PBRM1: variants seen among roughly 807,000 people sequenced by gnomAD.
PBRM1 encodes the protein protein polybromo-1.
In PBRM1, 27 loss-of-function variants were observed where a neutral mutation model predicts 194.5. That is an observed-to-expected ratio of 0.14 (90% CI 0.10 to 0.19). The LOEUF is 0.19. PBRM1 is among the 10% of genes least tolerant of loss of function. The pLI, the probability that PBRM1 is intolerant of heterozygous loss-of-function variation, is 1.00. For synonymous variants in PBRM1, 655 were observed against 693.2 expected (o/e 0.94, Z 0.87); for missense variants, 1,466 against 2,077.2 (o/e 0.71, Z 5.72).
chr3:52,625,558 AAGAAC>A (rs1042050556), intron 13 of PBRM1, among the ~76,000 whole-genome samples: 3 of 151,868 alleles, frequency 2.0e-5, no homozygotes, highest in Non-Finnish European at 4.4e-5. Flanking sequence ...TTTTTAAATT[AAGAAC>A]ATAATGCTTA....
In PBRM1 at chr3:52,571,856, C is replaced by CAAAAAAAAAAAAAAAAAAAAAAAAAAAAA. The variant is rs58430288; in HGVS notation, c.3691+4656_3691+4684dup. Among the ~76,000 whole-genome samples, 3 of 37,090 alleles carry CAAAAAAAAAAAAAAAAAAAAAAAAAAAAA rather than the reference C, an allele frequency of 8.1e-5. 1 individual carries two copies. The highest frequency in any genetic ancestry group is 7.5e-4 in the Admixed American group (2 of 2,684). 24.3% of individuals were successfully genotyped at this position (37,090 alleles called of 152,430 possible). A position where few individuals can be genotyped will look rare whatever the true frequency, so the allele number is the denominator to read the frequency against. ...GAGCAAGAGGGATACCTCATCTCCCCAAAAAAAAAAAAAAAAAAAAAAAAA... is the reference window on the plus strand; with the variant it reads ...GAGCAAGAGGGATACCTCATCTCCCCAAAAAAAAAAAAAAAAAAAAAAAAAAAAAAAAAAAAAAAAAAAAAAAAAAAAAA... On this transcript the variant is annotated intron_variant, in intron 22 of 29. Transcript: ENST00000296302.
intron 7 of PBRM1, among the ~76,000 whole-genome samples, chr3:52,647,453 AAAAAATATATATATATATATAT>A (rs2096343170): frequency 3.1e-5 from 2 of 63,626 alleles, no homozygotes; most frequent in Non-Finnish European, 5.9e-5. Context: ...AAAAAAAAAA[AAAAAATATATATATATATATAT>A]ATATATATAT....
intron 5 of PBRM1, among the ~76,000 whole-genome samples, chr3:52,652,159 G>A (rs946941529): frequency 2.0e-5 from 3 of 152,154 alleles, no homozygotes; most frequent in Non-Finnish European, 2.9e-5. Flanking sequence ...CGAGGCAGGT[G>A]GATCACCTGA....
At chr3:52,607,468 G>C (rs1308699962) in intron 16 of PBRM1, among the ~76,000 whole-genome samples, 1 of 152,094 alleles carries the variant, frequency 6.6e-6, no homozygotes, top group Non-Finnish European at 1.5e-5. Context: ...ATTTCCTAGA[G>C]ATACAAATCT....
chr3:52,622,114 C>G (rs2095301289), intron 13 of PBRM1, among the ~76,000 whole-genome samples: 1 of 151,440 alleles, frequency 6.6e-6, no homozygotes, highest in Non-Finnish European at 1.5e-5. Context: ...CCGAGGCAGG[C>G]AGATCACCTA....
exon 17 of PBRM1, chr3:52,603,538 C>T (rs1428187629): frequency 6.3e-7 from 1 of 1,595,054 alleles, no homozygotes; most frequent in Non-Finnish European, 8.6e-7. Flanking sequence ...TTCTTCTTCT[C>T]GTTTTAGTTT....
At chr3:52,681,718 C>A (rs921361648), upstream of PBRM1, 14 of 1,015,604 alleles carry the variant, frequency 1.4e-5, no homozygotes, top group Non-Finnish European at 1.4e-5. Flanking sequence ...GCACAACCAG[C>A]GCCTCGAAAA....
upstream of PBRM1, among the ~76,000 whole-genome samples, chr3:52,684,609 C>A (rs969178485): frequency 6.6e-6 from 1 of 152,160 alleles, no homozygotes; most frequent in Non-Finnish European, 1.5e-5. Flanking sequence ...AAAATGTTAA[C>A]AAACCACATA....
chr3:52,643,113 C>A (rs1420066079), intron 9 of PBRM1, 135 bp downstream of exon 10: 2 of 686,542 alleles, frequency 2.9e-6, no homozygotes, highest in Non-Finnish European at 5.3e-6. Flanking sequence ...TTAAATAAAC[C>A]ATTTGACAAC....
chr3:52,659,903 C>T (rs1057182041), intron 4 of PBRM1, among the ~76,000 whole-genome samples: 3 of 152,128 alleles, frequency 2.0e-5, no homozygotes, highest in Admixed American at 1.3e-4. Context: ...ACCAGTCTGG[C>T]CAACATGGTG....
intron 7 of PBRM1, among the ~76,000 whole-genome samples, chr3:52,645,268 ACTT>A (rs908461474): frequency 3.4e-5 from 4 of 118,656 alleles, no homozygotes; most frequent in African/African-American, 1.0e-4. Context: ...ACTAGCAGAA[ACTT>A]CTTTTTTTTC....
chr3:52,603,591 C>T (rs2153347487), exon 17 of PBRM1: 1 of 1,611,582 alleles, frequency 6.2e-7, no homozygotes, highest in South Asian at 1.1e-5. Context: ...TTCTCTCTTT[C>T]TCCACATCAT....
intron 26 of PBRM1, 85 bp from the exon 29 acceptor site, chr3:52,554,964 C>T (rs1417576357): frequency 9.4e-7 from 1 of 1,064,320 alleles, no homozygotes; most frequent in Non-Finnish European, 1.4e-6. Context: ...ACATGCACTA[C>T]CAATGAATAA....
chr3:52,624,746 TAC>T, intron 13 of PBRM1, 149 bp downstream of exon 15: 1 of 618,304 alleles, frequency 1.6e-6, no homozygotes, highest in East Asian at 2.8e-5. Flanking sequence ...TTTTAAACTG[TAC>T]TGCTTTCTTT....
chr3:52,603,442 C>CT, intron 17 of PBRM1, 79 bp downstream of exon 19: 1 of 1,454,926 alleles, frequency 6.9e-7, no homozygotes, highest in Non-Finnish European at 9.2e-7. Flanking sequence ...ACAAACAGGA[C>CT]TCTTTTCCAC....
chr3:52,558,280 C>T, exon 26 of PBRM1: 1 of 1,546,248 alleles, frequency 6.5e-7, no homozygotes, highest in South Asian at 1.2e-5. Flanking sequence ...GATTGAGCAT[C>T]CCCATTGGTG....
intron 17 of PBRM1, among the ~76,000 whole-genome samples, chr3:52,601,607 G>T (rs554379189): frequency 6.6e-6 from 1 of 152,022 alleles, no homozygotes; most frequent in African/African-American, 2.4e-5. Context: ...AGGAGGTGGG[G>T]GTGCCTGGCT....
In PBRM1 at chr3:52,609,148, TA is replaced by T. The variant is rs1199882660; in HGVS notation, c.2567+164del. Reference sequence around the variant, plus strand: ...GGTGTGCCTTCTCTCCCCCACAGAATATACTCACTCTTAAGAAGTTCTGGCT... The same window carrying T: ...GGTGTGCCTTCTCTCCCCCACAGAATTACTCACTCTTAAGAAGTTCTGGCT... On this transcript the variant is annotated intron_variant, in intron 16 of 29. Coordinates refer to ENST00000296302, the Ensembl canonical transcript of PBRM1. The surrounding 1 kb of genome is among the most constrained non-coding windows in gnomAD (Gnocchi z 4.1). 1 of 608,260 alleles carries T rather than the reference TA, an allele frequency of 1.6e-6. No individual in the cohort carries two copies. The highest frequency in any genetic ancestry group is 2.9e-6 in the Non-Finnish European group (1 of 349,938). The allele number at this position is 608,260 out of a possible 1,614,324, so 37.7% of individuals were successfully genotyped here.
intron 4 of PBRM1, among the ~76,000 whole-genome samples, chr3:52,660,616 G>A (rs2096704081): frequency 6.6e-6 from 1 of 151,950 alleles, no homozygotes; most frequent in African/African-American, 2.4e-5. Flanking sequence ...GGGTTCAAGC[G>A]ATTCTCCTGC....
Sources: allele counts gnomAD v4.1 joint callset (sites outside exome capture counted in the v4.1 genomes callset), GRCh38; gene constraint gnomAD v4.1.1; non-coding constraint Gnocchi (gnomAD v3.1); transcripts MANE v1.5; gene names NCBI Gene and HGNC (gene_info 2026-07-23, HGNC 2026-07-21).